NTRK3: variants seen among roughly 807,000 people sequenced by gnomAD.
NTRK3 encodes NT-3 growth factor receptor.
In NTRK3, 24 loss-of-function variants were observed where a neutral mutation model predicts 91.7. The ratio of observed to expected loss-of-function variants is 0.26; its 90% CI spans 0.19 to 0.37. The LOEUF (loss-of-function observed/expected upper bound fraction) is 0.37, where lower values mean the gene tolerates loss of function less well. Among genes scored for constraint, NTRK3 ranks in the 10% least tolerant of loss-of-function variants. NTRK3 has a pLI of 1.00. For synonymous variants in NTRK3, 483 were observed against 404.0 expected (o/e 1.20, Z -2.34); for missense variants, 880 against 1,068.9 (o/e 0.82, Z 2.46).
At chr15:88,174,287 A>C (rs560028636) in intron 5 of NTRK3, among the ~76,000 whole-genome samples, 1 of 152,282 alleles carries the variant, frequency 6.6e-6, no homozygotes, top group East Asian at 1.9e-4. Context: ...TAAATAGCTT[A>C]TCCAACGTCA....
intron 14 of NTRK3, among the ~76,000 whole-genome samples, chr15:87,973,668 G>A (rs374483977): frequency 2.5e-3 from 382 of 152,196 alleles, no homozygotes; most frequent in African/African-American, 8.8e-3. Context: ...GGGAGAGCTG[G>A]GAGAGAGGAG....
At chr15:88,111,838 C>T (rs574544589) in intron 13 of NTRK3, among the ~76,000 whole-genome samples, 5 of 151,278 alleles carry the variant, frequency 3.3e-5, no homozygotes, top group African/African-American at 1.2e-4. Context: ...CAATTTGCTA[C>T]TATTTGGTTG....
chr15:88,185,967 G>A (rs112861536), intron 3 of NTRK3, among the ~76,000 whole-genome samples: 1 of 152,296 alleles, frequency 6.6e-6, no homozygotes, highest in Non-Finnish European at 1.5e-5. Context: ...GGTTGGTGTT[G>A]GATTCCAATG....
At chr15:87,979,884 T>C (rs2141351904) in intron 14 of NTRK3, among the ~76,000 whole-genome samples, 1 of 152,146 alleles carries the variant, frequency 6.6e-6, no homozygotes, top group Admixed American at 6.5e-5. Context: ...GAGAAGGCTA[T>C]GCTTTCCCAG....
intron 13 of NTRK3, among the ~76,000 whole-genome samples, chr15:88,082,742 G>C (rs1329089069): frequency 6.6e-6 from 1 of 152,198 alleles, no homozygotes; most frequent in African/African-American, 2.4e-5. Context: ...TGCAGAGTGT[G>C]TTCCCAAGAG....
intron 13 of NTRK3, among the ~76,000 whole-genome samples, chr15:88,051,382 CCT>C (rs1218085675): frequency 5.3e-5 from 8 of 152,328 alleles, no homozygotes; most frequent in Admixed American, 1.3e-4. Flanking sequence ...TTGCCTATTG[CCT>C]CTCTGTCTCT....
chr15:88,002,543 C>T (rs960252637), intron 14 of NTRK3, among the ~76,000 whole-genome samples: 2 of 152,078 alleles, frequency 1.3e-5, no homozygotes, highest in African/African-American at 4.8e-5. Flanking sequence ...GAGATCTCTG[C>T]TTTAATTCTT....
chr15:87,873,090 G>C (rs1279927156), exon 19 of NTRK3: 1 of 232,644 alleles, frequency 4.3e-6, no homozygotes, highest in East Asian at 6.1e-5. Flanking sequence ...CTGGCTGACA[G>C]CTCTCCCGTT....
intron 17 of NTRK3, among the ~76,000 whole-genome samples, chr15:87,918,817 T>A (rs1238470755): frequency 6.6e-6 from 1 of 152,328 alleles, no homozygotes; most frequent in East Asian, 1.9e-4. Context: ...TGGACAGGGT[T>A]AGCAAATGTG....
intron 3 of NTRK3, among the ~76,000 whole-genome samples, chr15:88,192,020 G>A (rs1046774631): frequency 4.6e-5 from 7 of 152,204 alleles, no homozygotes; most frequent in Non-Finnish European, 1.0e-4. Flanking sequence ...CAAGGACCAC[G>A]GTGAACCAGC....
At chr15:88,226,667 G>A (rs1438782346) in intron 3 of NTRK3, among the ~76,000 whole-genome samples, 2 of 152,220 alleles carry the variant, frequency 1.3e-5, no homozygotes, top group Non-Finnish European at 2.9e-5. Flanking sequence ...CCCTATGGCT[G>A]ATGCAAATCT....
intron 14 of NTRK3, chr15:87,977,827 G>A (rs994671859): frequency 6.5e-5 from 15 of 232,486 alleles, no homozygotes; most frequent in East Asian, 1.2e-4. Context: ...ATCCTGACAC[G>A]AAGAACCACC....
At chr15:88,228,202 C>A (rs1195244064) in intron 3 of NTRK3, among the ~76,000 whole-genome samples, 1 of 152,136 alleles carries the variant, frequency 6.6e-6, no homozygotes, top group African/African-American at 2.4e-5. Context: ...ACTGGAAATC[C>A]CAGCACTGAG....
intron 11 of NTRK3, 31 bp from the exon 12 acceptor site, chr15:88,127,257 A>C (rs374017983): frequency 2.5e-6 from 4 of 1,601,518 alleles, no homozygotes; most frequent in Non-Finnish European, 3.4e-6. Flanking sequence ...GGAGGAGGAC[A>C]GTTAGCTTCC....
Position 88,090,905 on chromosome 15 carries a change from G to C in NTRK3, c.1396+35366C>G, listed in dbSNP as rs2048955011. On this transcript the variant is annotated intron_variant, in intron 13 of 18. Transcript: ENST00000394480. ...ACTTGGATGCAGCCCTCTTGCCTGCGCCTCTGGGAACCTGGTGCACGGCCA... is the reference window on the plus strand; with the variant it reads ...ACTTGGATGCAGCCCTCTTGCCTGCCCCTCTGGGAACCTGGTGCACGGCCA... 2.0e-5 allele frequency among the ~76,000 whole-genome samples: 3 copies of C among 152,118 alleles called. No individual in the cohort carries two copies. The South Asian group carries it at 6.2e-4, about 32-fold the overall frequency.
At chr15:88,251,518 G>T (rs1395557027) in intron 3 of NTRK3, among the ~76,000 whole-genome samples, 1 of 152,238 alleles carries the variant, frequency 6.6e-6, no homozygotes, top group Non-Finnish European at 1.5e-5. Context: ...CCGAGGGGAG[G>T]CTGGAGACCA....
At chr15:88,195,168 C>T (rs189112424) in intron 3 of NTRK3, among the ~76,000 whole-genome samples, 13 of 152,276 alleles carry the variant, frequency 8.5e-5, no homozygotes, top group South Asian at 6.2e-4. Context: ...AGCCCCCACC[C>T]CCAACAGAGA....
intron 13 of NTRK3, among the ~76,000 whole-genome samples, chr15:88,051,298 C>T (rs1454617325): frequency 6.6e-6 from 1 of 152,206 alleles, no homozygotes; most frequent in Non-Finnish European, 1.5e-5. Flanking sequence ...ACTCTCCCTC[C>T]TCTTTCTCCC....
chr15:88,133,581 C>T (rs377427116), intron 10 of NTRK3, among the ~76,000 whole-genome samples: 17 of 152,322 alleles, frequency 1.1e-4, no homozygotes, highest in African/African-American at 2.6e-4. Context: ...ATTCTCTAAT[C>T]AGGCCACAGG....
Sources: gnomAD v4.1 joint callset for allele counts (sites outside exome capture counted in the v4.1 genomes callset) on GRCh38, gnomAD v4.1.1 for gene constraint, MANE v1.5 for transcripts, NCBI Gene and HGNC (gene_info 2026-07-23, HGNC 2026-07-21) for gene names.